HECW2: variants seen among roughly 807,000 people sequenced by gnomAD.
HECW2 encodes the protein HECT, C2 and WW domain containing E3 ubiquitin protein ligase 2.
HECW2 carries 61 observed loss-of-function variants against 175.2 expected under a neutral mutation model. The observed-to-expected ratio is 0.35, with a 90% CI of 0.28 to 0.43. The LOEUF is 0.43. Ranked by LOEUF, HECW2 falls within the 20% of genes least tolerant of loss-of-function variation. The pLI is 1.00. For missense variants in HECW2, 1,524 were observed against 2,000.5 expected, an observed-to-expected ratio of 0.76 and a Z score of 4.54; for synonymous variants, 671 against 731.0, an observed-to-expected ratio of 0.92 and a Z score of 1.32.
chr2:196,555,452 C>T (rs1324504892), intron 1 of HECW2, among the ~76,000 whole-genome samples: 1 of 152,156 alleles, frequency 6.6e-6, no homozygotes, highest in Non-Finnish European at 1.5e-5. Context: ...CATCACATTG[C>T]AGGTTAGATT....
chr2:196,344,322 G>GAAAAAAAA (rs60573890), intron 2 of HECW2, among the ~76,000 whole-genome samples: 22 of 67,624 alleles, frequency 3.3e-4, no homozygotes, highest in African/African-American at 9.6e-4. Context: ...GACAAGATAA[G>GAAAAAAAA]AAAAAAAAAA....
intron 1 of HECW2, among the ~76,000 whole-genome samples, chr2:196,494,306 C>G (rs1687303888): frequency 6.6e-6 from 1 of 152,080 alleles, no homozygotes; most frequent in Admixed American, 6.5e-5. Context: ...TTTCCAGCCA[C>G]AAAGTGATAT....
chr2:196,370,148 G>A (rs932034054), intron 2 of HECW2, among the ~76,000 whole-genome samples: 1 of 151,962 alleles, frequency 6.6e-6, no homozygotes, highest in African/African-American at 2.4e-5. Context: ...AAGCCAGCAT[G>A]TCTCCAAGTC....
chr2:196,233,120 A>G (rs1228978264), intron 21 of HECW2, among the ~76,000 whole-genome samples: 1 of 152,228 alleles, frequency 6.6e-6, no homozygotes, highest in African/African-American at 2.4e-5. Flanking sequence ...TAAATAGTTA[A>G]TATGACTCAT....
At chr2:196,308,208 A>C in intron 10 of HECW2, 123 bp from the exon 11 acceptor site, 2 of 633,540 alleles carry the variant, frequency 3.2e-6, no homozygotes, top group Middle Eastern at 4.4e-4. Flanking sequence ...AATAACATAC[A>C]TCTCACTGCA....
At chr2:196,543,138 T>C (rs1689286023) in intron 1 of HECW2, among the ~76,000 whole-genome samples, 1 of 151,170 alleles carries the variant, frequency 6.6e-6, no homozygotes, top group East Asian at 1.9e-4. Context: ...CTTTTCATAT[T>C]TTCCAGATTC....
intron 13 of HECW2, 84 bp from the exon 14 acceptor site, chr2:196,292,834 C>T: frequency 9.4e-7 from 1 of 1,060,490 alleles, no homozygotes; most frequent in Non-Finnish European, 1.4e-6. Flanking sequence ...TATGGCTAAT[C>T]TTCCAATAAG....
intron 22 of HECW2, among the ~76,000 whole-genome samples, chr2:196,226,330 C>T (rs1306144714): frequency 6.6e-6 from 1 of 152,164 alleles, no homozygotes; most frequent in African/African-American, 2.4e-5. Context: ...CTGAGACCAT[C>T]CCCAAAGCCC....
intron 1 of HECW2, among the ~76,000 whole-genome samples, chr2:196,584,956 C>A (rs903966955): frequency 6.6e-6 from 1 of 152,086 alleles, no homozygotes; most frequent in African/African-American, 2.4e-5. Context: ...ATAACAGTAG[C>A]CCATATACCA....
At chr2:196,279,496 G>A (rs1465849884) in intron 14 of HECW2, among the ~76,000 whole-genome samples, 2 of 152,058 alleles carry the variant, frequency 1.3e-5, no homozygotes, top group Non-Finnish European at 2.9e-5. Flanking sequence ...TTTATTTTAT[G>A]TGTGTAAGTG....
chr2:196,454,175 G>A lies in HECW2; in HGVS notation c.-35-20717C>T, dbSNP rs1696432503. 2.6e-5 allele frequency among the ~76,000 whole-genome samples: 4 copies of A among 152,144 alleles called. No homozygotes were observed. In the South Asian group the frequency reaches 8.3e-4, roughly 32 times the overall value. ...GGGTTCCACCATATTGGCCAAGCTGGTCTCAAACTCCTGACCTCAAGCGAT... is the reference window on the plus strand; with the variant it reads ...GGGTTCCACCATATTGGCCAAGCTGATCTCAAACTCCTGACCTCAAGCGAT... On this transcript the variant is annotated intron_variant, in intron 1 of 28. Coordinates refer to ENST00000644978, the MANE Select transcript of HECW2 (RefSeq NM_001348768.2).
At chr2:196,423,370 T>C (rs991421210) in intron 2 of HECW2, among the ~76,000 whole-genome samples, 4 of 152,136 alleles carry the variant, frequency 2.6e-5, no homozygotes, top group African/African-American at 9.7e-5. Context: ...AGTCATTCAC[T>C]GAATTTACTA....
At chr2:196,463,035 A>G (rs1696809693) in intron 1 of HECW2, among the ~76,000 whole-genome samples, 2 of 152,158 alleles carry the variant, frequency 1.3e-5, no homozygotes, top group South Asian at 4.1e-4. Flanking sequence ...GTCTTGGTAG[A>G]AATTTAACTT....
At chr2:196,402,803 A>ATTTTT (rs369586280) in intron 2 of HECW2, among the ~76,000 whole-genome samples, 3 of 123,612 alleles carry the variant, frequency 2.4e-5, no homozygotes, top group Non-Finnish European at 4.8e-5. Context: ...TGCCTTGGGA[A>ATTTTT]TTTTTTTTTT....
intron 1 of HECW2, among the ~76,000 whole-genome samples, chr2:196,458,201 T>C (rs1367272024): frequency 1.3e-5 from 2 of 151,706 alleles, no homozygotes; most frequent in Admixed American, 6.6e-5. Context: ...GCCCAGGAGG[T>C]CAAGGCTGCA....
At chr2:196,360,294 C>A (rs941424276) in intron 2 of HECW2, among the ~76,000 whole-genome samples, 2 of 152,166 alleles carry the variant, frequency 1.3e-5, no homozygotes, top group African/African-American at 4.8e-5. Context: ...TGGAATCAAC[C>A]TAAATGCCCA....
intron 1 of HECW2, among the ~76,000 whole-genome samples, chr2:196,499,427 C>T (rs1687505879): frequency 6.6e-6 from 1 of 151,880 alleles, no homozygotes. Flanking sequence ...CTAACTTAAA[C>T]ATGCCTTGAT....
intron 18 of HECW2, among the ~76,000 whole-genome samples, chr2:196,255,544 C>T (rs1689023681): frequency 1.3e-5 from 2 of 151,926 alleles, no homozygotes; most frequent in Admixed American, 6.6e-5. Context: ...TTAAAATAGC[C>T]CTATTGGAAA....
At chr2:196,345,015 G>C (rs1692901679) in intron 2 of HECW2, among the ~76,000 whole-genome samples, 1 of 152,174 alleles carries the variant, frequency 6.6e-6, no homozygotes, top group African/African-American at 2.4e-5. Flanking sequence ...AGAACTTTGG[G>C]AGGGATGGTC....
Sources: gnomAD v4.1 joint callset for allele counts (sites outside exome capture counted in the v4.1 genomes callset) on GRCh38, gnomAD v4.1.1 for gene constraint, MANE v1.5 for transcripts, NCBI Gene and HGNC (gene_info 2026-07-23, HGNC 2026-07-21) for gene names.